TMEM132D: variants seen among roughly 807,000 people sequenced by gnomAD.
TMEM132D encodes mature OL transmembrane protein.
TMEM132D carries 21 observed loss-of-function variants against 62.3 expected under a neutral mutation model. The ratio of observed to expected loss-of-function variants is 0.34; its 90% CI spans 0.24 to 0.49. The LOEUF (loss-of-function observed/expected upper bound fraction) is 0.49, where lower values mean the gene tolerates loss of function less well. TMEM132D is among the 20% of genes least tolerant of loss of function. The pLI is 0.99. For missense variants in TMEM132D, 1,346 were observed against 1,402.8 expected (o/e 0.96, Z 0.65); for synonymous variants, 621 against 575.6 (o/e 1.08, Z -1.13).
chr12:129,688,070 C>T (rs947446266), intron 2 of TMEM132D, among the ~76,000 whole-genome samples: 1 of 152,104 alleles, frequency 6.6e-6, no homozygotes, highest in African/African-American at 2.4e-5. Flanking sequence ...AAAGGAGCCA[C>T]AGCAATCAAC....
intron 3 of TMEM132D, among the ~76,000 whole-genome samples, chr12:129,471,790 T>C (rs1020433214): frequency 2.0e-5 from 3 of 152,318 alleles, no homozygotes; most frequent in South Asian, 4.1e-4. Context: ...ATGATAAGAA[T>C]GTGAAACAAC....
chr12:129,270,223 G>C (rs1027047245), intron 4 of TMEM132D, among the ~76,000 whole-genome samples: 1 of 152,082 alleles, frequency 6.6e-6, no homozygotes, highest in Non-Finnish European at 1.5e-5. Flanking sequence ...TGCCGAAAAG[G>C]TAAGTGTTGT....
rs140083954 is a variant in TMEM132D, at chr12:129,669,470, C to T, written c.968+30340G>A. 1.4e-4 allele frequency among the ~76,000 whole-genome samples: 21 copies of T among 152,164 alleles called. No homozygotes were observed. In the East Asian group the frequency reaches 2.9e-3, roughly 21 times the overall value. On this transcript the variant is annotated intron_variant, in intron 2 of 8. Coordinates refer to ENST00000422113, the MANE Select transcript of TMEM132D (RefSeq NM_133448.3). ...CTGTAATCCCAGCACTCTGAGAGGCCGAGGTGGGCAGATCACCTGAGATCA... is the reference window on the plus strand; with the variant it reads ...CTGTAATCCCAGCACTCTGAGAGGCTGAGGTGGGCAGATCACCTGAGATCA...
chr12:129,446,636 A>G (rs893573846), intron 3 of TMEM132D, among the ~76,000 whole-genome samples: 1 of 152,220 alleles, frequency 6.6e-6, no homozygotes, highest in African/African-American at 2.4e-5. Context: ...CTGAGCAGAG[A>G]TGAATGATAA....
At chr12:129,621,479 T>C (rs2137159587) in intron 2 of TMEM132D, among the ~76,000 whole-genome samples, 1 of 151,180 alleles carries the variant, frequency 6.6e-6, no homozygotes, top group Admixed American at 6.6e-5. Flanking sequence ...ACTTTGTCTC[T>C]TTACTCACTG....
chr12:129,686,290 G>C (rs79972043), intron 2 of TMEM132D, among the ~76,000 whole-genome samples: 2 of 152,138 alleles, frequency 1.3e-5, no homozygotes, highest in Non-Finnish European at 2.9e-5. Flanking sequence ...GTGGGAGTAA[G>C]TGAAACATGG....
intron 4 of TMEM132D, among the ~76,000 whole-genome samples, chr12:129,263,578 G>A (rs190526420): frequency 6.6e-4 from 100 of 152,084 alleles, no homozygotes; most frequent in African/African-American, 2.2e-3. Context: ...GTGATCAGGA[G>A]GACCTTAAAG....
chr12:129,488,274 T>A (rs1361989924), intron 3 of TMEM132D, among the ~76,000 whole-genome samples: 4 of 152,328 alleles, frequency 2.6e-5, no homozygotes, highest in Admixed American at 1.3e-4. Flanking sequence ...CCTTTCTGGG[T>A]TCATGTCCAT....
At chr12:129,427,098 CCTTGT>C (rs1388968374) in intron 3 of TMEM132D, among the ~76,000 whole-genome samples, 2 of 152,138 alleles carry the variant, frequency 1.3e-5, no homozygotes, top group Admixed American at 6.6e-5. Flanking sequence ...GCTGGATGAT[CCTTGT>C]CTTGTCAGTG....
chr12:129,271,848 G>C (rs1232814600), intron 4 of TMEM132D, among the ~76,000 whole-genome samples: 1 of 151,768 alleles, frequency 6.6e-6, no homozygotes, highest in Non-Finnish European at 1.5e-5. Context: ...CTTTGCTATT[G>C]TGAACAGTGC....
chr12:129,773,608 G>A (rs1229572356), intron 1 of TMEM132D, among the ~76,000 whole-genome samples: 1 of 152,090 alleles, frequency 6.6e-6, no homozygotes, highest in East Asian at 1.9e-4. Context: ...TGTCTGGAGG[G>A]TATATATTGA....
At chr12:129,523,238 T>A (rs1178565558) in intron 3 of TMEM132D, among the ~76,000 whole-genome samples, 2 of 152,210 alleles carry the variant, frequency 1.3e-5, no homozygotes, top group East Asian at 3.9e-4. Flanking sequence ...TTTCTGCCAC[T>A]GCAGGTGTTT....
intron 5 of TMEM132D, among the ~76,000 whole-genome samples, chr12:129,179,047 C>T (rs1022095374): frequency 1.3e-5 from 2 of 152,134 alleles, no homozygotes; most frequent in Non-Finnish European, 2.9e-5. Context: ...GGGCCAAATG[C>T]CAGCTGTGTG....
intron 2 of TMEM132D, among the ~76,000 whole-genome samples, chr12:129,583,143 G>A (rs2137128380): frequency 1.3e-5 from 2 of 152,306 alleles, no homozygotes; most frequent in South Asian, 4.1e-4. Flanking sequence ...GAATGAATGG[G>A]AATAATTTAA....
intron 3 of TMEM132D, chr12:129,521,246 G>A (rs1245071034): frequency 6.6e-6 from 1 of 152,084 alleles, no homozygotes; most frequent in African/African-American, 2.4e-5. Flanking sequence ...TCTTTTCTGT[G>A]GTAGAAAAAC....
At chr12:129,238,624 C>T (rs1046566180) in intron 4 of TMEM132D, among the ~76,000 whole-genome samples, 1 of 152,216 alleles carries the variant, frequency 6.6e-6, no homozygotes, top group Non-Finnish European at 1.5e-5. Flanking sequence ...AAAATGTCCT[C>T]AAGCTTCACT....
At chr12:129,203,118 T>A (rs1446835480) in intron 5 of TMEM132D, among the ~76,000 whole-genome samples, 1 of 152,160 alleles carries the variant, frequency 6.6e-6, no homozygotes, top group Admixed American at 6.5e-5. Flanking sequence ...TATCAATCGC[T>A]GAGTGTCAGC....
intron 5 of TMEM132D, among the ~76,000 whole-genome samples, chr12:129,113,656 C>T (rs529930114): frequency 6.6e-6 from 1 of 151,932 alleles, no homozygotes; most frequent in African/African-American, 2.4e-5. Flanking sequence ...GACCCGTCGG[C>T]CAGCGAAAAC....
chr12:129,237,713 T>G (rs1879822440), intron 4 of TMEM132D, among the ~76,000 whole-genome samples: 1 of 152,192 alleles, frequency 6.6e-6, no homozygotes, highest in Non-Finnish European at 1.5e-5. Context: ...GTGCAGTGGC[T>G]CATGCCTGTA....
Sources: gnomAD v4.1 joint callset for allele counts (sites outside exome capture counted in the v4.1 genomes callset) on GRCh38, gnomAD v4.1.1 for gene constraint, MANE v1.5 for transcripts, NCBI Gene and HGNC (gene_info 2026-07-23, HGNC 2026-07-21) for gene names.